Variants in AOPEP observed in about 807,000 individuals in gnomAD.
AOPEP encodes aminopeptidase O.
Under a neutral mutation model 98.1 loss-of-function variants are expected in AOPEP, and 77 were observed. That is an observed-to-expected ratio of 0.78 (90% confidence interval 0.65 to 0.95). AOPEP has a LOEUF of 0.95. AOPEP is among the 40% of genes least tolerant of loss of function. The pLI is 0.00. For synonymous variants in AOPEP, 346 were observed against 365.3 expected (o/e 0.95, Z 0.60); for missense variants, 1,024 against 1,024.7 (o/e 1.00, Z 0.01).
intron 13 of AOPEP, 92 bp from the exon 14 acceptor site, chr9:95,060,602 A>C: frequency 1.2e-6 from 1 of 843,254 alleles, no homozygotes; most frequent in Non-Finnish European, 2.1e-6. Context: ...CACCCAGGTT[A>C]CCCTGGGTAT....
the AOPEP span, among the ~76,000 whole-genome samples, chr9:95,105,383 G>C: frequency 1.3e-5 from 2 of 152,096 alleles, no homozygotes; most frequent in Non-Finnish European, 2.9e-5. Flanking sequence ...AGGTGTTGTT[G>C]GTTTGTGAAA....
At chr9:94,852,875 T>C (rs2043727791) in intron 5 of AOPEP, among the ~76,000 whole-genome samples, 1 of 152,260 alleles carries the variant, frequency 6.6e-6, no homozygotes, top group Non-Finnish European at 1.5e-5. Flanking sequence ...TCAGCTGATA[T>C]ATTTTTCCAT....
intron 1 of AOPEP, among the ~76,000 whole-genome samples, chr9:94,738,821 G>A (rs1051917732): frequency 3.9e-5 from 6 of 152,148 alleles, no homozygotes; most frequent in Non-Finnish European, 5.9e-5. Flanking sequence ...TGATCCGCCC[G>A]CCTCAGCCTC....
At chr9:94,813,703 T>A (rs113945603) in intron 5 of AOPEP, among the ~76,000 whole-genome samples, 2 of 152,226 alleles carry the variant, frequency 1.3e-5, no homozygotes, top group Non-Finnish European at 2.9e-5. Context: ...TGGGCTTCTA[T>A]AGCTCTTGGC....
At chr9:95,109,009 G>C in the AOPEP span, among the ~76,000 whole-genome samples, 1 of 151,802 alleles carries the variant, frequency 6.6e-6, no homozygotes, top group African/African-American at 2.4e-5. Context: ...GAGCTCAAGC[G>C]ATCCTTCCAT....
At chr9:94,829,059 G>A (rs1049947083) in intron 5 of AOPEP, among the ~76,000 whole-genome samples, 2 of 151,736 alleles carry the variant, frequency 1.3e-5, no homozygotes, top group African/African-American at 4.8e-5. Context: ...ATTAGAGGCG[G>A]GGTTTCACCA....
chr9:95,126,705 G>A, the AOPEP span: 7 of 976,454 alleles, frequency 7.2e-6, no homozygotes, highest in Non-Finnish European at 9.6e-6. Flanking sequence ...ACTCCTTTTG[G>A]TTAGAAGAAC....
chr9:94,821,826 C>G (rs1041127741), intron 5 of AOPEP, among the ~76,000 whole-genome samples: 2 of 152,130 alleles, frequency 1.3e-5, no homozygotes. Flanking sequence ...TTTATCTCAG[C>G]CTTAGTAAGG....
chr9:94,891,345 T>G (rs941571207), intron 5 of AOPEP, among the ~76,000 whole-genome samples: 2 of 152,236 alleles, frequency 1.3e-5, no homozygotes, highest in African/African-American at 4.8e-5. Flanking sequence ...TTACAGTTTC[T>G]TCTATAGTTG....
chr9:94,888,163 G>A (rs540952707), intron 5 of AOPEP, among the ~76,000 whole-genome samples: 2 of 152,222 alleles, frequency 1.3e-5, no homozygotes, highest in African/African-American at 4.8e-5. Context: ...TAACAGCTGA[G>A]GTGACTGTGT....
At chr9:94,744,701 C>CAAA (rs757571360) in intron 1 of AOPEP, among the ~76,000 whole-genome samples, 1,574 of 55,796 alleles carry the variant, frequency 0.028, 43 homozygotes, top group Admixed American at 0.052. Flanking sequence ...GACTCTGTCT[C>CAAA]AAAAAAAAAA....
In AOPEP at chr9:94,748,870, T is replaced by A. The variant is rs537447768; in HGVS notation, c.-135-10779T>A. ...CTCATTGCATCATCCTAGAGGATAATGATAACAATATGACTTATCACTGGT... is the reference window on the plus strand; with the variant it reads ...CTCATTGCATCATCCTAGAGGATAAAGATAACAATATGACTTATCACTGGT... On this transcript the variant is annotated intron_variant, in intron 1 of 16. Transcript: ENST00000375315. Among the ~76,000 whole-genome samples, 3 of 152,336 alleles carry A rather than the reference T, an allele frequency of 2.0e-5. No individual in the cohort carries two copies. The South Asian group carries it at 6.2e-4, about 32-fold the overall frequency.
At chr9:95,086,039 T>G (rs959770203) in intron 16 of AOPEP, 7 of 1,367,516 alleles carry the variant, frequency 5.1e-6, no homozygotes, top group Non-Finnish European at 6.8e-6. Context: ...CCTACTGAGC[T>G]GATATCAGTT....
the AOPEP span, among the ~76,000 whole-genome samples, chr9:95,146,250 G>A: frequency 1.3e-5 from 2 of 152,034 alleles, no homozygotes; most frequent in African/African-American, 4.8e-5. Context: ...ATTTTGGGAG[G>A]CCAAGACAGG....
rs866502864 is a variant in AOPEP at position 95,005,001 on chromosome 9, A to T, written c.1978-157A>T. On this transcript the variant is annotated intron_variant, in intron 11 of 16. Coordinates refer to ENST00000375315, the MANE Select transcript of AOPEP (RefSeq NM_001193329.3). ...CCGCGCCGCGCCTGAGGTGATGCGG[A>T]CCCCGGGCGGGCGCAGGGCGCGGGC... 1,265 of 163,012 alleles carry T rather than the reference A, an allele frequency of 7.8e-3. 25 individuals are homozygous for T. The highest frequency in any genetic ancestry group is 0.03 in the African/African-American group (1,200 of 39,390). 10.1% of individuals were successfully genotyped at this position (163,012 alleles called of 1,614,324 possible). A position where few individuals can be genotyped will look rare whatever the true frequency, so the allele number is the denominator to read the frequency against.
At chr9:94,776,170 G>T (rs1029488812) in intron 3 of AOPEP, among the ~76,000 whole-genome samples, 2 of 151,954 alleles carry the variant, frequency 1.3e-5, no homozygotes, top group African/African-American at 4.8e-5. Context: ...TGAATAATAT[G>T]TTTTTTCTCT....
intron 13 of AOPEP, among the ~76,000 whole-genome samples, chr9:95,016,129 CTT>C (rs751229648): frequency 2.5e-4 from 36 of 145,972 alleles, no homozygotes; most frequent in African/African-American, 7.8e-4. Context: ...TTGCATTAAG[CTT>C]TTTTTTTTTT....
chr9:95,013,449 G>A (rs1353727965), intron 13 of AOPEP, among the ~76,000 whole-genome samples: 1 of 147,662 alleles, frequency 6.8e-6, no homozygotes, highest in Non-Finnish European at 1.5e-5. Flanking sequence ...TAAGACAGTC[G>A]GCCGGAGGAT....
At position 95,086,813 on chromosome 9, in the gene AOPEP, G is replaced by A; in HGVS notation, c.*136G>A. On this transcript the variant is annotated 3_prime_UTR_variant, in exon 17 of 17. Transcript: ENST00000375315. ...CGGCCCACAGCCCTGTTCACATCTT[G>A]GTGCTTCTCTTTCCCAGAGGCTGGT... 1.0e-6 allele frequency: 1 copy of A among 987,936 alleles called. No individual in the cohort carries two copies. Among genetic ancestry groups the A allele is most frequent in the Non-Finnish European group, 1.2e-6 (1 of 830,108 alleles). The allele number at this position is 987,936 out of a possible 1,614,324, so 61.2% of individuals were successfully genotyped here.
Sources: allele counts gnomAD v4.1 joint callset (sites outside exome capture counted in the v4.1 genomes callset), GRCh38; gene constraint gnomAD v4.1.1; transcripts MANE v1.5; gene names NCBI Gene and HGNC (gene_info 2026-07-23, HGNC 2026-07-21).